The following SYNE1 variants were observed in gnomAD, a reference collection of about 807,000 sequenced individuals.
The protein encoded by SYNE1 is spectrin repeat containing nuclear envelope protein 1.
Under a neutral mutation model 1,111.0 loss-of-function variants are expected in SYNE1, and 616 were observed. The ratio of observed to expected loss-of-function variants is 0.55; its 90% CI spans 0.52 to 0.59. SYNE1 has a LOEUF of 0.59. SYNE1 is among the 20% of genes least tolerant of loss of function. The pLI is 0.00. For missense variants in SYNE1, 10,006 were observed against 10,417.0 expected (o/e 0.96, Z 1.72); for synonymous variants, 3,855 against 3,825.8 (o/e 1.01, Z -0.28).
At chr6:152,253,831 T>TG (rs2090099915) in intron 104 of SYNE1, among the ~76,000 whole-genome samples, 1 of 61,346 alleles carries the variant, frequency 1.6e-5, no homozygotes, top group Non-Finnish European at 2.7e-5. Flanking sequence ...TTTTTTTTTT[T>TG]TTTTTTTTTT....
chr6:152,177,485 G>A (rs943055220), intron 129 of SYNE1, among the ~76,000 whole-genome samples: 2 of 152,168 alleles, frequency 1.3e-5, no homozygotes, highest in Non-Finnish European at 2.9e-5. Context: ...TATTATATGA[G>A]TGTGAACATT....
chr6:152,154,396 T>C (rs1235527274), intron 133 of SYNE1, among the ~76,000 whole-genome samples: 1 of 151,516 alleles, frequency 6.6e-6, no homozygotes, highest in Non-Finnish European at 1.5e-5. Context: ...TAGAAATGAA[T>C]TATAATGAAA....
chr6:152,345,351 C>A (rs1381738012), intron 73 of SYNE1, among the ~76,000 whole-genome samples: 1 of 152,080 alleles, frequency 6.6e-6, no homozygotes, highest in Non-Finnish European at 1.5e-5. Flanking sequence ...CTATGTGTAG[C>A]CTCATTTTCT....
chr6:152,155,479 C>T, intron 132 of SYNE1: 1 of 311,426 alleles, frequency 3.2e-6, no homozygotes, highest in Non-Finnish European at 6.2e-6. Flanking sequence ...AAATATTAAG[C>T]TTTCAACAGT....
chr6:152,178,021 G>A (rs969060744), intron 129 of SYNE1, among the ~76,000 whole-genome samples: 14 of 151,446 alleles, frequency 9.2e-5, no homozygotes, highest in Admixed American at 3.3e-4. Context: ...ACGCCACAAA[G>A]AGGAAAACTC....
At chr6:152,458,374 ACAG>A (rs1018961551) in intron 22 of SYNE1, among the ~76,000 whole-genome samples, 1 of 152,206 alleles carries the variant, frequency 6.6e-6, no homozygotes, top group Non-Finnish European at 1.5e-5. Context: ...ACGCGTGCAC[ACAG>A]CAGATGTTTA....
intron 3 of SYNE1, among the ~76,000 whole-genome samples, chr6:152,553,393 TCAG>T (rs1212299529): frequency 3.3e-5 from 5 of 152,156 alleles, no homozygotes; most frequent in African/African-American, 1.2e-4. Flanking sequence ...AATGGGTATC[TCAG>T]CAAGCAAGTG....
At chr6:152,617,860 C>T (rs1426517496) in intron 3 of SYNE1, among the ~76,000 whole-genome samples, 1 of 152,124 alleles carries the variant, frequency 6.6e-6, no homozygotes, top group Non-Finnish European at 1.5e-5. Context: ...GTAAAAAGAA[C>T]ATGTAAGGCA....
At chr6:152,160,798 A>G (rs2062323603) in intron 131 of SYNE1, among the ~76,000 whole-genome samples, 1 of 151,974 alleles carries the variant, frequency 6.6e-6, no homozygotes, top group Non-Finnish European at 1.5e-5. Flanking sequence ...GCCAGAGTTT[A>G]TTTCATCCTG....
At chr6:152,490,386 G>A (rs2098964036) in intron 11 of SYNE1, among the ~76,000 whole-genome samples, 2 of 152,264 alleles carry the variant, frequency 1.3e-5, no homozygotes, top group Admixed American at 1.3e-4. Flanking sequence ...CAGATGGCCT[G>A]AGGCAACTGA....
intron 81 of SYNE1, 122 bp downstream of exon 81, chr6:152,324,960 CAG>C (rs1590096287): frequency 8.6e-7 from 1 of 1,160,948 alleles, no homozygotes; most frequent in Middle Eastern, 2.8e-4. Flanking sequence ...GTCACTGAAA[CAG>C]ATTTTAAAAA....
chr6:152,273,408 T>C (rs1209827780), intron 98 of SYNE1, among the ~76,000 whole-genome samples: 2 of 152,208 alleles, frequency 1.3e-5, no homozygotes, highest in African/African-American at 2.4e-5. Context: ...TCCTCACTGT[T>C]TTTTTTCTTT....
intron 55 of SYNE1, among the ~76,000 whole-genome samples, chr6:152,381,951 A>G (rs760945363): frequency 2.0e-5 from 3 of 152,190 alleles, no homozygotes; most frequent in Non-Finnish European, 4.4e-5. Context: ...ACTTACTCAA[A>G]AGTTTAAAGT....
At chr6:152,226,912 T>C (rs1416364723) in intron 115 of SYNE1, among the ~76,000 whole-genome samples, 1 of 152,182 alleles carries the variant, frequency 6.6e-6, no homozygotes, top group Non-Finnish European at 1.5e-5. Context: ...TATTCAGAAG[T>C]ATACCCTCAG....
At chr6:152,565,551 T>C (rs1480304366) in intron 3 of SYNE1, among the ~76,000 whole-genome samples, 1 of 152,134 alleles carries the variant, frequency 6.6e-6, no homozygotes, top group Non-Finnish European at 1.5e-5. Flanking sequence ...TCTTCAACCT[T>C]ATAATTCTTG....
chr6:152,237,981 T>C (rs1248709739), intron 108 of SYNE1, among the ~76,000 whole-genome samples: 1 of 152,144 alleles, frequency 6.6e-6, no homozygotes, highest in Admixed American at 6.6e-5. Context: ...TTACCAAATA[T>C]CTATTGCCTG....
intron 127 of SYNE1, among the ~76,000 whole-genome samples, chr6:152,191,106 T>C (rs1403138048): frequency 6.6e-6 from 1 of 152,236 alleles, no homozygotes; most frequent in Non-Finnish European, 1.5e-5. Flanking sequence ...CATCATTGCA[T>C]CCCTGGGATA....
At chr6:152,564,382 T>C (rs2099404671) in intron 3 of SYNE1, among the ~76,000 whole-genome samples, 1 of 152,222 alleles carries the variant, frequency 6.6e-6, no homozygotes, top group African/African-American at 2.4e-5. Flanking sequence ...AGTGGCATGC[T>C]CTCGGCTCAC....
intron 55 of SYNE1, 73 bp downstream of exon 55, chr6:152,385,601 C>A: frequency 6.5e-7 from 1 of 1,541,926 alleles, no homozygotes; most frequent in South Asian, 1.1e-5. Context: ...AGAATCTTAT[C>A]TACAAAATCT....
Sources: gnomAD v4.1 joint callset for allele counts (sites outside exome capture counted in the v4.1 genomes callset) on GRCh38, gnomAD v4.1.1 for gene constraint, MANE v1.5 for transcripts, NCBI Gene and HGNC (gene_info 2026-07-23, HGNC 2026-07-21) for gene names.